SMURF1: variants seen among roughly 807,000 people sequenced by gnomAD.
SMURF1 encodes E3 ubiquitin-protein ligase SMURF1.
In SMURF1, 44 loss-of-function variants were observed where a neutral mutation model predicts 98.0. The observed-to-expected ratio is 0.45, with a 90% CI of 0.35 to 0.58. The LOEUF is 0.58. SMURF1 is among the 20% of genes least tolerant of loss of function. The pLI, the probability that SMURF1 is intolerant of heterozygous loss-of-function variation, is 0.00. For missense variants in SMURF1, 687 were observed against 938.4 expected, an observed-to-expected ratio of 0.73 and a Z score of 3.50; for synonymous variants, 396 against 374.9, an observed-to-expected ratio of 1.06 and a Z score of -0.65.
At chr7:99,122,643 C>CAA (rs200590592) in intron 1 of SMURF1, among the ~76,000 whole-genome samples, 2 of 120,014 alleles carry the variant, frequency 1.7e-5, no homozygotes, top group African/African-American at 7.9e-5. Flanking sequence ...GATTCCGTGT[C>CAA]AAAAAAAAAA....
At chr7:99,038,557 G>A (rs1365505325) in intron 13 of SMURF1, 32 bp from the exon 14 acceptor site, 18 of 1,604,070 alleles carry the variant, frequency 1.1e-5, no homozygotes, top group Non-Finnish European at 1.4e-5. Context: ...ATGTAGGTTA[G>A]AACTCTGCCA....
At chr7:99,085,747 C>T (rs1486157967) in intron 1 of SMURF1, among the ~76,000 whole-genome samples, 1 of 152,186 alleles carries the variant, frequency 6.6e-6, no homozygotes, top group Non-Finnish European at 1.5e-5. Context: ...ATCCTCTGTA[C>T]TCTACCCGTT....
At position 99,052,455 on chromosome 7, in the gene SMURF1, G is replaced by A; in HGVS notation, c.480-9C>T. On this transcript the variant is annotated splice_polypyrimidine_tract_variant and intron_variant, in intron 6 of 17. Transcript: ENST00000361368. ...AGTCTTCATACACCGTTCTGAAAGGGACGAGAGCAGGCAGGCATGGTGTCA... is the reference window on the plus strand; with the variant it reads ...AGTCTTCATACACCGTTCTGAAAGGAACGAGAGCAGGCAGGCATGGTGTCA... 6.6e-7 allele frequency: 1 copy of A among 1,521,624 alleles called. No homozygotes were observed. Among genetic ancestry groups the A allele is most frequent in the Non-Finnish European group, 8.8e-7 (1 of 1,131,212 alleles). 94.3% of individuals were successfully genotyped at this position (1,521,624 alleles called of 1,614,324 possible). A position where few individuals can be genotyped will look rare whatever the true frequency, so the allele number is the denominator to read the frequency against.
At chr7:99,069,963 A>G (rs531397167) in intron 1 of SMURF1, among the ~76,000 whole-genome samples, 2 of 152,250 alleles carry the variant, frequency 1.3e-5, no homozygotes, top group African/African-American at 4.8e-5. Flanking sequence ...CCCACCGGCC[A>G]TGCCTATTGG....
At chr7:99,108,782 G>A (rs1172068846) in intron 1 of SMURF1, among the ~76,000 whole-genome samples, 2 of 151,912 alleles carry the variant, frequency 1.3e-5, no homozygotes, top group African/African-American at 4.8e-5. Context: ...CAAGGAAGAA[G>A]TTTAGTAAGA....
chr7:99,042,508 CA>C (rs1450982497), intron 11 of SMURF1, among the ~76,000 whole-genome samples: 2 of 152,236 alleles, frequency 1.3e-5, no homozygotes, highest in African/African-American at 4.8e-5. Flanking sequence ...CTCCTGACCT[CA>C]AATGATCCAC....
At chr7:99,040,291 ACACGCGCGCGCG>A (rs1223933229) in intron 13 of SMURF1, 75 bp downstream of exon 13, 27 of 1,254,970 alleles carry the variant, frequency 2.2e-5, no homozygotes, top group East Asian at 2.8e-5. Flanking sequence ...AAATACACAC[ACACGCGCGCGCG>A]CGCGCACGCG....
Position 99,051,172 on chromosome 7 carries a change from C to T in SMURF1, c.806+185G>A, listed in dbSNP as rs370405431. Among the ~76,000 whole-genome samples the T allele has an allele frequency of 1.4e-4, 22 of 152,300 alleles. No individual in the cohort carries two copies. The East Asian group carries it at 1.7e-3, about 12-fold the overall frequency. On this transcript the variant is annotated intron_variant, in intron 8 of 17. Transcript: ENST00000361368. ...TGTTTCAAAGGTCAACAATGACTCA[C>T]GTTTCAAATGTACCCCTGTCTACTC...
chr7:99,100,357 C>G (rs1797050464), intron 1 of SMURF1, among the ~76,000 whole-genome samples: 1 of 152,152 alleles, frequency 6.6e-6, no homozygotes, highest in Non-Finnish European at 1.5e-5. Flanking sequence ...GAATTAGAGG[C>G]CAGCCTGGCC....
intron 13 of SMURF1, among the ~76,000 whole-genome samples, chr7:99,039,707 T>C (rs1359877183): frequency 6.6e-6 from 1 of 152,096 alleles, no homozygotes; most frequent in Non-Finnish European, 1.5e-5. Flanking sequence ...AGTCCCCTGT[T>C]CAAGTTGGAA....
chr7:99,143,747 T>C lies in SMURF1; in HGVS notation c.34A>G (p.Ser12Gly). ...GTACCTGTCAGACGGATCTTGATGC[T>C]GGAGCCGTTCCTGCGTGTCCCGGGG... ...SNPGTRRNGS[S>G]IKIRLTVLCA... is the part of the protein sequence containing the mutation. The change falls in exon 1 of 18, where the codon AGC becomes GGC. Residue 12 changes from serine to glycine, a missense_variant. Physicochemically the swap from Ser to Gly is moderately conservative, Grantham distance 56 (BLOSUM62 0). Transcript: ENST00000361368. 1.9e-6 allele frequency: 3 copies of C among 1,559,810 alleles called. No individual in the cohort carries two copies. Among genetic ancestry groups the C allele is most frequent in the South Asian group, 1.2e-5 (1 of 86,508 alleles).
intron 1 of SMURF1, among the ~76,000 whole-genome samples, chr7:99,114,893 T>A (rs1797404150): frequency 6.6e-6 from 1 of 151,808 alleles, no homozygotes; most frequent in Non-Finnish European, 1.5e-5. Context: ...TGTTAATCAA[T>A]AGGTCAAGAA....
In SMURF1 at chr7:99,143,768, C is replaced by G. The variant is rs892339698; in HGVS notation, c.13G>C (p.Gly5Arg). Reference sequence around the variant, plus strand: ...ATGCTGGAGCCGTTCCTGCGTGTCCCGGGGTTCGACATCTCCCGCCAACGA... The same window carrying G: ...ATGCTGGAGCCGTTCCTGCGTGTCCGGGGGTTCGACATCTCCCGCCAACGA... The part of the protein sequence containing the change: MSNP[G>R]TRRNGSSIKI... The change falls in exon 1 of 18, where the codon GGG (glycine) becomes CGG (arginine). Residue 5 changes from glycine to arginine, a missense_variant. Physicochemically the swap from Gly to Arg is moderately radical, Grantham distance 125. This residue lies in a region of SMURF1 where 415 missense variants were observed against 508.4 expected (regional missense o/e 0.82). Coordinates refer to ENST00000361368, the MANE Select transcript of SMURF1 (RefSeq NM_181349.3). 1 of 1,523,656 alleles carries G rather than the reference C, an allele frequency of 6.6e-7. No individual in the cohort carries two copies. Among genetic ancestry groups the G allele is most frequent in the Non-Finnish European group, 8.8e-7 (1 of 1,132,712 alleles). 94.4% of individuals were successfully genotyped at this position (1,523,656 alleles called of 1,614,324 possible). A position where few individuals can be genotyped will look rare whatever the true frequency, so the allele number is the denominator to read the frequency against.
At position 99,032,052 on chromosome 7, in the gene SMURF1, A is replaced by AT. The variant is rs1373159545; in HGVS notation, c.2096+984dup. On this transcript the variant is annotated intron_variant, in intron 17 of 17. Transcript: ENST00000361368. Reference sequence around the variant, plus strand: ...GTGTCATAAGCAGGATTCCAAGAAGATGGGGACCCAGAAATGTCAGATAAA... The same window carrying AT: ...GTGTCATAAGCAGGATTCCAAGAAGATTGGGGACCCAGAAATGTCAGATAAA... Among the ~76,000 whole-genome samples the AT allele has an allele frequency of 2.0e-5, 3 of 152,378 alleles. No homozygotes were observed. The East Asian group carries it at 5.8e-4, about 29-fold the overall frequency.
At chr7:99,142,021 G>C (rs1798129837) in intron 1 of SMURF1, among the ~76,000 whole-genome samples, 1 of 151,990 alleles carries the variant, frequency 6.6e-6, no homozygotes, top group Non-Finnish European at 1.5e-5. Context: ...CCTGCTTTAG[G>C]GATGAATTGA....
Position 99,047,895 on chromosome 7 carries a change from A to G in SMURF1, c.954-13T>C, listed in dbSNP as rs1422489552. 1 of 1,611,928 alleles carries G rather than the reference A, an allele frequency of 6.2e-7. No individual in the cohort carries two copies. Among genetic ancestry groups the G allele is most frequent in the Admixed American group, 1.7e-5 (1 of 60,010 alleles). On this transcript the variant is annotated splice_polypyrimidine_tract_variant and intron_variant, in intron 9 of 17. Transcript: ENST00000361368. ...TTGGCACTGGTGACTTGAGAAGAAG[A>G]GATGCAGAAAGTCACTCCGAAGCCC...
intron 9 of SMURF1, 161 bp downstream of exon 9, chr7:99,049,402 G>T: frequency 1.4e-6 from 1 of 735,920 alleles, no homozygotes; most frequent in Non-Finnish European, 2.2e-6. Flanking sequence ...GCTAATTTAA[G>T]AGTTTAAAAT....
intron 5 of SMURF1, among the ~76,000 whole-genome samples, chr7:99,056,293 T>A (rs1056762052): frequency 2.6e-5 from 4 of 152,150 alleles, no homozygotes; most frequent in Non-Finnish European, 4.4e-5. Flanking sequence ...TTTTTTTTTT[T>A]ATTCCATGCA....
intron 6 of SMURF1, among the ~76,000 whole-genome samples, chr7:99,053,389 T>G (rs368092804): frequency 1.3e-5 from 2 of 152,162 alleles, no homozygotes; most frequent in South Asian, 4.2e-4. Context: ...ATTTTATGAC[T>G]TCATCCTTAA....
Sources: gnomAD v4.1 joint callset for allele counts (sites outside exome capture counted in the v4.1 genomes callset) on GRCh38, gnomAD v4.1.1 for gene constraint, gnomAD v4.1.1 regional missense constraint, MANE v1.5 for transcripts, NCBI Gene and HGNC (gene_info 2026-07-23, HGNC 2026-07-21) for gene names.